TBX19: variants seen among roughly 807,000 people sequenced by gnomAD.
TBX19 encodes the protein T-box transcription factor TBX19.
In TBX19, 33 loss-of-function variants were observed where a neutral mutation model predicts 40.9. That is an observed-to-expected ratio of 0.81 (90% CI 0.61 to 1.08). The LOEUF is 1.08. TBX19 is among the 50% of genes least tolerant of loss of function. TBX19 has a pLI of 0.00. For missense variants in TBX19, 494 were observed against 574.0 expected (o/e 0.86, Z 1.42); for synonymous variants, 220 against 225.0 (o/e 0.98, Z 0.20).
chr1:168,281,610 C>T (rs745313186), intron 1 of TBX19, among the ~76,000 whole-genome samples: 41 of 152,212 alleles, frequency 2.7e-4, no homozygotes, highest in Non-Finnish European at 5.9e-5. Flanking sequence ...TAATTTGTGA[C>T]TAGCTGCATA....
At chr1:168,312,044 C>T (rs2102364785) in intron 7 of TBX19, among the ~76,000 whole-genome samples, 1 of 152,308 alleles carries the variant, frequency 6.6e-6, no homozygotes, top group Admixed American at 6.5e-5. Context: ...TTGTAGCTCC[C>T]AGCCTTTCAG....
At chr1:168,306,749 T>A (rs1337134914) in intron 6 of TBX19, among the ~76,000 whole-genome samples, 6 of 152,106 alleles carry the variant, frequency 3.9e-5, no homozygotes, top group Admixed American at 1.3e-4. Flanking sequence ...GTTAGAAATG[T>A]AGACTTTCAG....
At chr1:168,304,870 A>G (rs1225987516) in intron 5 of TBX19, 138 bp from the exon 6 acceptor site, 1 of 892,820 alleles carries the variant, frequency 1.1e-6, no homozygotes, top group Non-Finnish European at 1.8e-6. Flanking sequence ...TGGTACCACC[A>G]CACAGGCTGG....
At chr1:168,285,265 A>T (rs917919031) in intron 1 of TBX19, among the ~76,000 whole-genome samples, 4 of 18,672 alleles carry the variant, frequency 2.1e-4, no homozygotes, top group East Asian at 7.4e-4. Context: ...TGTATGTCAC[A>T]CACACACACA....
At chr1:168,302,670 GA>G (rs1332097374) in intron 5 of TBX19, among the ~76,000 whole-genome samples, 1 of 151,196 alleles carries the variant, frequency 6.6e-6, no homozygotes. Flanking sequence ...TGAAAAAGAA[GA>G]AAAAAGGAAA....
intron 5 of TBX19, among the ~76,000 whole-genome samples, chr1:168,303,397 C>T (rs34936451): frequency 0.051 from 7,737 of 152,196 alleles, 253 homozygotes; most frequent in East Asian, 0.12. Context: ...TGCTATATTC[C>T]AGTGTTGCTT....
At chr1:168,304,979 T>G (rs2102361298) in intron 5 of TBX19, 29 bp from the exon 6 acceptor site, 1 of 1,610,828 alleles carries the variant, frequency 6.2e-7, no homozygotes, top group East Asian at 2.2e-5. Flanking sequence ...ACAGACTCAG[T>G]CTTGGTGTAT....
intron 4 of TBX19, 150 bp from the exon 5 acceptor site, chr1:168,300,272 G>A: frequency 1.3e-6 from 1 of 764,858 alleles, no homozygotes; most frequent in Non-Finnish European, 2.3e-6. Flanking sequence ...GAAGGAAGGA[G>A]AATGGGGAAG....
chr1:168,286,097 G>T lies in TBX19; in HGVS notation c.203+4804G>T, dbSNP rs186053588. Among the ~76,000 whole-genome samples the T allele has an allele frequency of 1.8e-4, 27 of 152,218 alleles. 1 individual carries two copies. In the East Asian group the frequency reaches 5.2e-3, roughly 29 times the overall value. On this transcript the variant is annotated intron_variant, in intron 1 of 7. Coordinates refer to ENST00000367821, the MANE Select transcript of TBX19 (RefSeq NM_005149.3). ...TCATTTCTCAGTTTATTTACGTAGTGATAAAAACAAAAAATAATTATAAAG... is the reference window on the plus strand; with the variant it reads ...TCATTTCTCAGTTTATTTACGTAGTTATAAAAACAAAAAATAATTATAAAG...
At position 168,293,288 on chromosome 1, in the gene TBX19, TG is replaced by T. The variant is rs199592560; in HGVS notation, c.603+11del. 0.11 allele frequency: 132,183 copies of T among 1,253,452 alleles called. 5,962 individuals are homozygous for T. The highest frequency in any genetic ancestry group is 0.29 in the African/African-American group (17,852 of 61,100). The allele number at this position is 1,253,452 out of a possible 1,614,324, so 77.6% of individuals were successfully genotyped here. A position where few individuals can be genotyped will look rare whatever the true frequency, so the allele number is the denominator to read the frequency against. On this transcript the variant is annotated intron_variant, in intron 3 of 7. Coordinates refer to ENST00000367821, the MANE Select transcript of TBX19 (RefSeq NM_005149.3). ...CTATCAGAATGAGGAGGTAAGAGTGTGTGTGTGTGTGTGTGTGTGTGTGTGT... is the reference window on the plus strand; with the variant it reads ...CTATCAGAATGAGGAGGTAAGAGTGTTGTGTGTGTGTGTGTGTGTGTGTGT...
intron 7 of TBX19, among the ~76,000 whole-genome samples, chr1:168,311,577 A>C (rs1047668799): frequency 3.3e-5 from 5 of 152,112 alleles, no homozygotes; most frequent in African/African-American, 1.2e-4. Context: ...GGCATTGCCA[A>C]CTCTGGCTTC....
At chr1:168,297,305 C>T (rs1346635244) in intron 3 of TBX19, among the ~76,000 whole-genome samples, 1 of 152,178 alleles carries the variant, frequency 6.6e-6, no homozygotes, top group African/African-American at 2.4e-5. Flanking sequence ...TGCTGCTCTC[C>T]ACTGTGTACC....
Position 168,302,398 on chromosome 1 carries a change from C to T in TBX19, c.727+1915C>T, listed in dbSNP as rs3767486. Among the ~76,000 whole-genome samples the T allele has an allele frequency of 5.0e-4, 76 of 152,212 alleles. 1 individual carries two copies. The East Asian group carries it at 6.8e-3, about 14-fold the overall frequency. The stretch of plus-strand genomic sequence containing the variant: ...ATATCAAGCTCCATTTCCTCATTGC[C>T]GAAGCCCAGGTGACAATCCTTAGCC... On this transcript the variant is annotated intron_variant, in intron 5 of 7. Coordinates refer to ENST00000367821, the MANE Select transcript of TBX19 (RefSeq NM_005149.3).
intron 7 of TBX19, 127 bp from the exon 8 acceptor site, chr1:168,312,581 T>C: frequency 9.1e-7 from 1 of 1,104,048 alleles, no homozygotes; most frequent in Admixed American, 1.8e-5. Context: ...TAGCTAGAAA[T>C]AAAGCCATGG....
At position 168,305,151 on chromosome 1, in the gene TBX19, G is replaced by T; in HGVS notation, c.871G>T (p.Ala291Ser). 2 of 1,613,646 alleles carry T rather than the reference G, an allele frequency of 1.2e-6. No individual in the cohort carries two copies. Among genetic ancestry groups the T allele is most frequent in the African/African-American group, 1.3e-5 (1 of 75,012 alleles). The change falls in exon 6 of 8, where the codon GCT becomes TCT. Residue 291 changes from alanine to serine, a missense_variant. Around this residue, in one of 3 missense-constraint regions of TBX19, gnomAD observed 284 missense variants for 307.3 expected, o/e 0.92. Coordinates refer to ENST00000367821, the MANE Select transcript of TBX19 (RefSeq NM_005149.3). ...TTCGGGTCTCCGAGGACACCGGCAG[G>T]CTCCCTACCCTTCTGCGTACATGCA... ...HYSGLRGHRQAPYPSAYMHRN... is the reference protein window; with the variant it reads ...HYSGLRGHRQSPYPSAYMHRN...
intron 1 of TBX19, among the ~76,000 whole-genome samples, chr1:168,288,691 A>G (rs1648862196): frequency 6.6e-6 from 1 of 152,144 alleles, no homozygotes. Context: ...TGCATGAGTA[A>G]TATATTATAT....
At chr1:168,304,495 G>A (rs1185429783) in intron 5 of TBX19, among the ~76,000 whole-genome samples, 3 of 152,206 alleles carry the variant, frequency 2.0e-5, no homozygotes, top group Non-Finnish European at 4.4e-5. Flanking sequence ...ATCTGCAGGA[G>A]TAATTGGGAA....
At chr1:168,310,597 G>C (rs1450225703) in intron 7 of TBX19, among the ~76,000 whole-genome samples, 4 of 151,274 alleles carry the variant, frequency 2.6e-5, no homozygotes, top group African/African-American at 9.7e-5. Flanking sequence ...TCCAAGTTGA[G>C]TGTAATACTC....
chr1:168,303,793 A>G (rs1649339085), intron 5 of TBX19, among the ~76,000 whole-genome samples: 1 of 152,204 alleles, frequency 6.6e-6, no homozygotes, highest in African/African-American at 2.4e-5. Flanking sequence ...CGCATAGGGT[A>G]ACTTCCTGAC....
Sources: gnomAD v4.1 joint callset for allele counts (sites outside exome capture counted in the v4.1 genomes callset) on GRCh38, gnomAD v4.1.1 for gene constraint, gnomAD v4.1.1 regional missense constraint, MANE v1.5 for transcripts, NCBI Gene and HGNC (gene_info 2026-07-23, HGNC 2026-07-21) for gene names.